GJB7: variants seen among roughly 807,000 people sequenced by gnomAD.
GJB7 encodes gap junction beta-7 protein.
For missense variants in GJB7, 253 were observed against 256.8 expected (o/e 0.99, Z 0.10); for synonymous variants, 87 against 95.2 (o/e 0.91, Z 0.50).
chr6:87,304,931 A>T (rs1350648062), intron 2 of GJB7, among the ~76,000 whole-genome samples: 1 of 152,226 alleles, frequency 6.6e-6, no homozygotes, highest in Non-Finnish European at 1.5e-5. Context: ...AAACCATACG[A>T]TTATCTCAAT....
At chr6:87,308,118 T>C (rs966020214) in intron 2 of GJB7, among the ~76,000 whole-genome samples, 4 of 151,128 alleles carry the variant, frequency 2.6e-5, no homozygotes, top group African/African-American at 9.7e-5. Flanking sequence ...CAGCAAACTA[T>C]CACAGGGAGA....
intron 2 of GJB7, among the ~76,000 whole-genome samples, chr6:87,285,957 C>A (rs1776052637): frequency 6.6e-6 from 1 of 152,210 alleles, no homozygotes; most frequent in Admixed American, 6.5e-5. Context: ...ACATTTGACA[C>A]TGTTGCCTGT....
chr6:87,292,646 A>G (rs1562209487), intron 2 of GJB7, among the ~76,000 whole-genome samples: 1 of 152,216 alleles, frequency 6.6e-6, no homozygotes, highest in African/African-American at 2.4e-5. Flanking sequence ...GAGATCATCT[A>G]AAATTAAAGA....
chr6:87,284,483 TATAAA>T lies in GJB7; in HGVS notation c.425_429del (p.Phe142Ter), dbSNP rs754276716. The T allele has an allele frequency of 1.6e-5, 26 of 1,613,914 alleles. No individual in the cohort carries two copies. The highest frequency in any genetic ancestry group is 2.1e-5 in the Non-Finnish European group (25 of 1,180,004). ...GGAACACTAAAGCCATCATATAGCT[TATAAA>T]ATAAAACAAGGAAGCCAATTTCAAA... On this transcript the variant is annotated frameshift_variant, in exon 3 of 3. Transcript: ENST00000525899. LOFTEE classifies it low-confidence loss of function (END_TRUNC).
intron 2 of GJB7, among the ~76,000 whole-genome samples, chr6:87,294,573 A>G (rs1562209968): frequency 6.6e-6 from 1 of 152,270 alleles, no homozygotes; most frequent in East Asian, 1.9e-4. Flanking sequence ...TTTATTTCTC[A>G]GCAGTATCCC....
chr6:87,328,409 G>T (rs1360845662), intron 1 of GJB7, among the ~76,000 whole-genome samples: 2 of 152,110 alleles, frequency 1.3e-5, no homozygotes, highest in East Asian at 1.9e-4. Flanking sequence ...TTTGTTGATG[G>T]TGATGTACAG....
chr6:87,305,314 C>A (rs1360937072), intron 2 of GJB7, among the ~76,000 whole-genome samples: 1 of 151,924 alleles, frequency 6.6e-6, no homozygotes, highest in Admixed American at 6.6e-5. Context: ...AGCTGATAAG[C>A]AATTTCAGCA....
chr6:87,322,427 C>T (rs1776682061), intron 2 of GJB7: 1 of 152,272 alleles, frequency 6.6e-6, no homozygotes, highest in African/African-American at 2.4e-5. Flanking sequence ...AGCCCGCAGA[C>T]CCCAAGGAGG....
intron 2 of GJB7, among the ~76,000 whole-genome samples, chr6:87,319,024 A>G (rs1776621671): frequency 6.6e-6 from 1 of 152,264 alleles, no homozygotes. Context: ...CCAGACCACC[A>G]GTGTTGTTCC....
intron 1 of GJB7, among the ~76,000 whole-genome samples, chr6:87,328,707 TTGTC>T: frequency 6.6e-6 from 1 of 152,320 alleles, no homozygotes; most frequent in Middle Eastern, 3.4e-3. Context: ...GTCTTTTTGT[TTGTC>T]TGTGCCCTGC....
chr6:87,290,047 C>G (rs1582554237), intron 2 of GJB7, among the ~76,000 whole-genome samples: 1 of 152,206 alleles, frequency 6.6e-6, no homozygotes, highest in Non-Finnish European at 1.5e-5. Context: ...TAACAAAATG[C>G]TCATCCTTGG....
intron 2 of GJB7, among the ~76,000 whole-genome samples, chr6:87,306,337 AAAC>A (rs1379260060): frequency 6.6e-6 from 1 of 152,186 alleles, no homozygotes; most frequent in African/African-American, 2.4e-5. Context: ...ATAAGAAAAA[AAAC>A]AACCCCATCA....
At position 87,284,625 on chromosome 6, in the gene GJB7, G is replaced by A. The variant is rs200785675; in HGVS notation, c.288C>T (p.Ala96=). Residue 96 remains alanine (A), a synonymous_variant, in exon 3 of 3, where the codon GCC becomes GCT. Coordinates refer to ENST00000525899, the MANE Select transcript of GJB7 (RefSeq NM_198568.3). The stretch of plus-strand genomic sequence containing the variant: ...GCCTTTTCTCTCTACCCTCATGATA[G>A]GCTACATGTAAAACCACCAGAAGTG... The part of the protein sequence containing the change: ...TPSLLVVLHV[A]YHEGREKRHR... The A allele has an allele frequency of 1.2e-6, 2 of 1,614,084 alleles. No homozygotes were observed. The highest frequency in any genetic ancestry group is 2.2e-5 in the East Asian group (1 of 44,880).
At position 87,284,783 on chromosome 6, in the gene GJB7, A is replaced by T; in HGVS notation, c.130T>A (p.Trp44Arg). ...LVYMVAAEHV[W>R]KDEQKEFECN... ...TCAAACTCTTTCTGCTCATCTTTCC[A>T]CACGTGCTCTGCTGCCACCATGTAG... is the stretch of plus-strand genomic sequence containing the variant. The change falls in exon 3 of 3, where the codon TGG (tryptophan) becomes AGG (arginine). Residue 44 changes from tryptophan to arginine, a missense_variant. Trp to Arg is a moderately radical substitution (Grantham distance 101). Transcript: ENST00000525899. 2 of 1,614,100 alleles carry T rather than the reference A, an allele frequency of 1.2e-6. No homozygotes were observed. The highest frequency in any genetic ancestry group is 1.7e-6 in the Non-Finnish European group (2 of 1,180,012).
At chr6:87,321,891 T>A (rs1776670428) in intron 2 of GJB7, among the ~76,000 whole-genome samples, 1 of 152,100 alleles carries the variant, frequency 6.6e-6, no homozygotes, top group Non-Finnish European at 1.5e-5. Context: ...TACACTCTTA[T>A]AAACAAACAT....
intron 2 of GJB7, among the ~76,000 whole-genome samples, chr6:87,288,985 T>C (rs1776115672): frequency 6.6e-6 from 1 of 152,182 alleles, no homozygotes; most frequent in Non-Finnish European, 1.5e-5. Flanking sequence ...TGCCCTACCA[T>C]GGTTTTCTGT....
intron 2 of GJB7, among the ~76,000 whole-genome samples, chr6:87,286,475 T>C (rs897787161): frequency 3.9e-5 from 6 of 152,212 alleles, no homozygotes; most frequent in African/African-American, 1.2e-4. Context: ...TTAGGTTCTA[T>C]TTCCAGTCTC....
intron 2 of GJB7, among the ~76,000 whole-genome samples, chr6:87,314,809 CTT>C (rs1162539935): frequency 3.3e-5 from 5 of 152,312 alleles, no homozygotes; most frequent in South Asian, 2.1e-4. Flanking sequence ...GTAAGCAAAA[CTT>C]AACGCATTTA....
chr6:87,309,436 G>A (rs1449318847), intron 2 of GJB7, among the ~76,000 whole-genome samples: 1 of 152,140 alleles, frequency 6.6e-6, no homozygotes, highest in African/African-American at 2.4e-5. Context: ...CATCACACAT[G>A]GAGACAACGG....
Sources: gnomAD v4.1 joint callset for allele counts (sites outside exome capture counted in the v4.1 genomes callset) on GRCh38, gnomAD v4.1.1 for gene constraint, MANE v1.5 for transcripts, NCBI Gene and HGNC (gene_info 2026-07-23, HGNC 2026-07-21) for gene names.